Variants in IARS2 observed in about 807,000 individuals in gnomAD.
IARS2 encodes isoleucyl-tRNA synthetase 2, mitochondrial.
A neutral mutation model predicts 126.3 loss-of-function variants in IARS2; 56 were observed. The observed-to-expected ratio is 0.44, with a 90% CI of 0.36 to 0.55. The LOEUF (loss-of-function observed/expected upper bound fraction) is 0.55, where lower values mean the gene tolerates loss of function less well. Ranked by LOEUF, IARS2 falls within the 20% of genes least tolerant of loss-of-function variation. The pLI is 0.00. For synonymous variants in IARS2, 407 were observed against 441.1 expected, an observed-to-expected ratio of 0.92 and a Z score of 0.97; for missense variants, 1,127 against 1,245.9, an observed-to-expected ratio of 0.90 and a Z score of 1.44.
chr1:220,109,128 C>T (rs914124384), intron 10 of IARS2, among the ~76,000 whole-genome samples: 8 of 151,854 alleles, frequency 5.3e-5, no homozygotes, highest in Non-Finnish European at 1.0e-4. Context: ...CGGCCAGGCA[C>T]GGTGGCTCAC....
At chr1:220,100,697 G>A (rs1381534485) in intron 3 of IARS2, 48 bp downstream of exon 3, 1 of 1,454,170 alleles carries the variant, frequency 6.9e-7, no homozygotes, top group South Asian at 1.2e-5. Flanking sequence ...TAAACACTCA[G>A]GTCCTTGAAA....
At position 220,127,830 on chromosome 1, in the gene IARS2, G is replaced by A. The variant is rs144583364; in HGVS notation, c.1837+987G>A. ...ACTCTCTATTACAAGTAAAATGTGC[G>A]TAATAATAATGGCCAAATATAAGTT... is the stretch of plus-strand genomic sequence containing the variant. On this transcript the variant is annotated intron_variant, in intron 14 of 22. Transcript: ENST00000366922. 5.4e-4 allele frequency among the ~76,000 whole-genome samples: 82 copies of A among 152,218 alleles called. 1 individual carries two copies. Among genetic ancestry groups the A allele is most frequent in the African/African-American group, 1.1e-3 (46 of 41,550 alleles).
intron 12 of IARS2, among the ~76,000 whole-genome samples, chr1:220,124,364 G>C (rs1269057139): frequency 6.6e-6 from 1 of 152,130 alleles, no homozygotes; most frequent in Admixed American, 6.5e-5. Flanking sequence ...TGTGTTAGGT[G>C]CTGTACTAAG....
At chr1:220,134,285 C>T (rs137961544) in intron 14 of IARS2, 117 bp from the exon 15 acceptor site, 1 of 670,548 alleles carries the variant, frequency 1.5e-6, no homozygotes, top group Non-Finnish European at 2.4e-6. Context: ...TCAGTTTTCT[C>T]TATTGTAAAG....
At position 220,147,705 on chromosome 1, in the gene IARS2, A is replaced by G. The variant is rs1333118941; in HGVS notation, c.*70A>G. 1.3e-6 allele frequency: 2 copies of G among 1,529,534 alleles called. No individual in the cohort carries two copies. The highest frequency in any genetic ancestry group is 2.3e-5 in the East Asian group (1 of 44,036). The allele number at this position is 1,529,534 out of a possible 1,614,324, so 94.7% of individuals were successfully genotyped here. A position where few individuals can be genotyped will look rare whatever the true frequency, so the allele number is the denominator to read the frequency against. ...TAGAAGTTTGGATGGATTATTTACA[A>G]TATAGGAAAGAAAGCCAAGATTTAG... On this transcript the variant is annotated 3_prime_UTR_variant, in exon 23 of 23. Coordinates refer to ENST00000366922, the MANE Select transcript of IARS2 (RefSeq NM_018060.4).
chr1:220,122,793 C>G (rs971454786), intron 12 of IARS2, among the ~76,000 whole-genome samples: 1 of 152,034 alleles, frequency 6.6e-6, no homozygotes, highest in African/African-American at 2.4e-5. Flanking sequence ...ACATTTCTAC[C>G]GTATTTGCTA....
In IARS2 at chr1:220,112,448, T is replaced by G. The variant is rs898415765; in HGVS notation, c.1479+1511T>G. ...CGCGCCCGGCCCGACCACCTACTTT[T>G]TACCCCTTAACAATTGGATTATTTT... is the stretch of plus-strand genomic sequence containing the variant. On this transcript the variant is annotated intron_variant, in intron 11 of 22. Transcript: ENST00000366922. Among the ~76,000 whole-genome samples the G allele has an allele frequency of 1.3e-5, 2 of 152,072 alleles. 1 individual carries two copies. Among genetic ancestry groups the G allele is most frequent in the Admixed American group, 1.3e-4 (2 of 15,252 alleles).
At chr1:220,127,099 C>G (rs1033108015) in intron 14 of IARS2, among the ~76,000 whole-genome samples, 3 of 152,150 alleles carry the variant, frequency 2.0e-5, no homozygotes, top group African/African-American at 7.2e-5. Context: ...TTCCTCCTTT[C>G]AACCAGTTCA....
intron 17 of IARS2, 21 bp from the exon 18 acceptor site, chr1:220,138,987 A>AT (rs760401131): frequency 2.5e-6 from 4 of 1,594,076 alleles, no homozygotes; most frequent in Middle Eastern, 1.7e-4. Context: ...TTAACTGCAT[A>AT]TTTTTTCTTC....
chr1:220,132,250 A>G (rs1657285501), intron 14 of IARS2, among the ~76,000 whole-genome samples: 1 of 152,104 alleles, frequency 6.6e-6, no homozygotes. Context: ...GAGTAGTTTG[A>G]GCAGAATTGT....
chr1:220,118,909 A>G (rs1656981610), intron 12 of IARS2, among the ~76,000 whole-genome samples: 1 of 152,216 alleles, frequency 6.6e-6, no homozygotes, highest in South Asian at 2.1e-4. Context: ...AACTAAAAAT[A>G]GAATTTCCCC....
At chr1:220,125,183 G>T in intron 12 of IARS2, 54 bp from the exon 13 acceptor site, 2 of 985,428 alleles carry the variant, frequency 2.0e-6, no homozygotes, top group Non-Finnish European at 3.0e-6. Flanking sequence ...TAAAATGTTT[G>T]TTATTCATCA....
At chr1:220,137,138 T>C (rs1657392742) in intron 16 of IARS2, among the ~76,000 whole-genome samples, 1 of 152,224 alleles carries the variant, frequency 6.6e-6, no homozygotes, top group Admixed American at 6.5e-5. Context: ...CTTTTTTAAT[T>C]GTCTGAGAGC....
chr1:220,118,766 A>C (rs1291873049), intron 12 of IARS2, among the ~76,000 whole-genome samples: 1 of 152,146 alleles, frequency 6.6e-6, no homozygotes, highest in Non-Finnish European at 1.5e-5. Context: ...TTTGAGTGTT[A>C]ACTTTAGCTA....
At chr1:220,119,620 T>TA (rs969171296) in intron 12 of IARS2, among the ~76,000 whole-genome samples, 4 of 152,222 alleles carry the variant, frequency 2.6e-5, no homozygotes, top group African/African-American at 9.6e-5. Flanking sequence ...GGTTTCATTA[T>TA]AAAAAAATTC....
chr1:220,139,100 C>G lies in IARS2; in HGVS notation c.2268C>G (p.Asp756Glu). Residue 756 changes from aspartate to glutamate, a missense_variant, in exon 18 of 23, where the codon GAC becomes GAG. By Grantham distance (45) the Asp-to-Glu change is conservative. Transcript: ENST00000366922. ...SIPVNDMYVI[D>E]QYMLHLLQDL... ...CTGTAAACGATATGTATGTCATAGA[C>G]CAGTACATGCTACACTTACTGCAGG... is the stretch of plus-strand genomic sequence containing the variant. 1 of 1,612,034 alleles carries G rather than the reference C, an allele frequency of 6.2e-7. No homozygotes were observed. The highest frequency in any genetic ancestry group is 8.5e-7 in the Non-Finnish European group (1 of 1,178,512).
chr1:220,131,216 G>A (rs543888667), intron 14 of IARS2, among the ~76,000 whole-genome samples: 12 of 151,678 alleles, frequency 7.9e-5, no homozygotes, highest in South Asian at 2.1e-4. Context: ...TCGCTGTGTC[G>A]CCCAGGCTGG....
chr1:220,134,006 T>C (rs1476871532), intron 14 of IARS2, among the ~76,000 whole-genome samples: 3 of 152,134 alleles, frequency 2.0e-5, no homozygotes, highest in Admixed American at 2.0e-4. Flanking sequence ...CTGTCATGTC[T>C]CTCTAGTTCT....
At chr1:220,145,763 A>T in intron 22 of IARS2, 110 bp downstream of exon 22, 1 of 826,570 alleles carries the variant, frequency 1.2e-6, no homozygotes, top group Non-Finnish European at 1.8e-6. Flanking sequence ...ATATACTTGG[A>T]ATACATCTTT....
Sources: allele counts gnomAD v4.1 joint callset (sites outside exome capture counted in the v4.1 genomes callset), GRCh38; gene constraint gnomAD v4.1.1; transcripts MANE v1.5; gene names NCBI Gene and HGNC (gene_info 2026-07-23, HGNC 2026-07-21).